PSD3: variants seen among roughly 807,000 people sequenced by gnomAD.
PSD3 encodes PH and SEC7 domain-containing protein 3.
PSD3 carries 49 observed loss-of-function variants against 105.5 expected under a neutral mutation model. That is an observed-to-expected ratio of 0.46 (90% CI 0.37 to 0.59). PSD3 has a LOEUF of 0.59. Ranked by LOEUF, PSD3 falls within the 20% of genes least tolerant of loss-of-function variation. The pLI is 0.00. For missense variants in PSD3, 1,561 were observed against 1,263.8 expected (o/e 1.24, Z -3.57); for synonymous variants, 557 against 457.8 (o/e 1.22, Z -2.77).
At chr8:19,019,905 G>A (rs1827308501) in intron 1 of PSD3, among the ~76,000 whole-genome samples, 1 of 152,120 alleles carries the variant, frequency 6.6e-6, no homozygotes, top group African/African-American at 2.4e-5. Flanking sequence ...GAGAAAAGAG[G>A]AAAACTGAGG....
In PSD3 at chr8:18,534,869, A is replaced by T. The variant is rs754928276; in HGVS notation, c.*874T>A. 3 of 152,610 alleles carry T rather than the reference A, an allele frequency of 2.0e-5. No homozygotes were observed. Among genetic ancestry groups the T allele is most frequent in the Non-Finnish European group, 4.4e-5 (3 of 68,056 alleles). The allele number at this position is 152,610 out of a possible 1,614,324, so 9.5% of individuals were successfully genotyped here. ...GAAAAATCTATTCCTGGATGGAAGG[A>T]TATCAACGATAGAGATGATGGATTT... On this transcript the variant is annotated 3_prime_UTR_variant, in exon 16 of 16. Coordinates refer to ENST00000327040, the MANE Select transcript of PSD3 (RefSeq NM_015310.4).
rs553036543 is a variant in PSD3 at position 18,883,375 on chromosome 8, G to A, written c.131-10642C>T. On this transcript the variant is annotated intron_variant, in intron 2 of 15. Transcript: ENST00000327040. ...GAAACACTTGATCATTCTGGTCTGG[G>A]TTTACCCTCAAATTACCAAGTAACC... Among the ~76,000 whole-genome samples the A allele has an allele frequency of 5.3e-5, 8 of 152,202 alleles. No individual in the cohort carries two copies. In the South Asian group the frequency reaches 1.7e-3, roughly 32 times the overall value.
rs1029309520 is a variant in PSD3 at position 18,530,387 on chromosome 8, A to C, written c.*5356T>G. The C allele has an allele frequency of 6.6e-6, 1 of 152,412 alleles. No individual in the cohort carries two copies. The highest frequency in any genetic ancestry group is 1.5e-5 in the Non-Finnish European group (1 of 68,038). The allele number at this position is 152,412 out of a possible 1,614,324, so 9.4% of individuals were successfully genotyped here. A position where few individuals can be genotyped will look rare whatever the true frequency, so the allele number is the denominator to read the frequency against. Reference sequence around the variant, plus strand: ...TAATTTCTGCAACTGCAAACCTAGGATACAGTACCCAATCCTGGGATGCCC... The same window carrying C: ...TAATTTCTGCAACTGCAAACCTAGGCTACAGTACCCAATCCTGGGATGCCC... On this transcript the variant is annotated 3_prime_UTR_variant, in exon 16 of 16. Transcript: ENST00000327040.
chr8:18,869,179 A>T lies in PSD3; in HGVS notation c.1239-1110T>A, dbSNP rs1017213112. ...TACCTCTCCACACTCACTGCACCCC[A>T]CTCTCCCCTGCTTTTTTTTTTTTTT... On this transcript the variant is annotated intron_variant, in intron 3 of 15. Transcript: ENST00000327040. Among the ~76,000 whole-genome samples, 291 of 116,668 alleles carry T rather than the reference A, an allele frequency of 2.5e-3. 2 individuals carry two copies. The highest frequency in any genetic ancestry group is 9.0e-3 in the African/African-American group (269 of 29,926). 76.5% of individuals were successfully genotyped at this position (116,668 alleles called of 152,430 possible). A position where few individuals can be genotyped will look rare whatever the true frequency, so the allele number is the denominator to read the frequency against.
At chr8:18,983,277 T>G (rs1488405811) in intron 1 of PSD3, among the ~76,000 whole-genome samples, 1 of 152,218 alleles carries the variant, frequency 6.6e-6, no homozygotes, top group African/African-American at 2.4e-5. Context: ...GTTGTAGTGA[T>G]TTGATCTTCC....
At chr8:18,786,553 G>A (rs1362786701) in intron 8 of PSD3, among the ~76,000 whole-genome samples, 1 of 152,142 alleles carries the variant, frequency 6.6e-6, no homozygotes, top group African/African-American at 2.4e-5. Context: ...TTTGACTCAC[G>A]TGGACTTTGA....
At chr8:18,993,859 T>TATCC (rs1825930039) in intron 1 of PSD3, among the ~76,000 whole-genome samples, 1 of 151,442 alleles carries the variant, frequency 6.6e-6, no homozygotes, top group Admixed American at 6.6e-5. Flanking sequence ...AATTTGATTA[T>TATCC]ATCAAACAAT....
At chr8:18,599,911 A>T (rs1427112100) in intron 12 of PSD3, among the ~76,000 whole-genome samples, 1 of 152,198 alleles carries the variant, frequency 6.6e-6, no homozygotes, top group Admixed American at 6.5e-5. Flanking sequence ...TAAATTAGTC[A>T]CAGTAAGAGA....
intron 2 of PSD3, among the ~76,000 whole-genome samples, chr8:18,933,712 TC>T (rs1172413009): frequency 6.6e-6 from 1 of 152,146 alleles, no homozygotes; most frequent in African/African-American, 2.4e-5. Context: ...TGGTGATCCA[TC>T]CGCCTCTGCC....
chr8:18,868,778 G>A (rs926672176), intron 3 of PSD3, among the ~76,000 whole-genome samples: 10 of 152,128 alleles, frequency 6.6e-5, no homozygotes, highest in African/African-American at 1.9e-4. Context: ...TATTAAAAAC[G>A]AACATTAGGA....
chr8:19,081,448 A>G (rs1371376468), intron 1 of PSD3, among the ~76,000 whole-genome samples: 1 of 152,204 alleles, frequency 6.6e-6, no homozygotes, highest in Non-Finnish European at 1.5e-5. Flanking sequence ...GGGGTAGACA[A>G]CTTGAGGGCT....
exon 1 of PSD3, chr8:19,084,651 G>A (rs899343467): frequency 1.2e-5 from 4 of 341,346 alleles, no homozygotes; most frequent in South Asian, 4.4e-5. Context: ...GCTTACGTCC[G>A]GATCCTGGGA....
intron 9 of PSD3, among the ~76,000 whole-genome samples, chr8:18,662,886 T>C (rs1486855518): frequency 2.0e-5 from 3 of 152,100 alleles, no homozygotes; most frequent in Non-Finnish European, 2.9e-5. Context: ...AAATTGCAAA[T>C]GAACGAACAA....
chr8:18,840,394 C>T (rs1814520670), intron 4 of PSD3, among the ~76,000 whole-genome samples: 2 of 152,134 alleles, frequency 1.3e-5, no homozygotes, highest in African/African-American at 4.8e-5. Context: ...TTAAATGAAC[C>T]CTAGTTGGTC....
intron 1 of PSD3, among the ~76,000 whole-genome samples, chr8:18,949,782 G>C (rs1362936180): frequency 6.6e-6 from 1 of 152,128 alleles, no homozygotes; most frequent in African/African-American, 2.4e-5. Flanking sequence ...GCACCAAAGA[G>C]AGCATAAGGT....
chr8:18,859,249 A>G (rs763797959), intron 4 of PSD3, among the ~76,000 whole-genome samples: 88 of 145,932 alleles, frequency 6.0e-4, no homozygotes, highest in Non-Finnish European at 1.2e-3. Flanking sequence ...TTTGCCTCTA[A>G]GCAGTAGGTC....
At position 18,872,447 on chromosome 8, in the gene PSD3, T is replaced by C. The variant is rs761317440; in HGVS notation, c.417A>G (p.Lys139=). ...QPIDSLISAL[K]ATEARIISGT... is the part of the protein sequence containing the mutation. ...CGGAAATGATTCTGGCTTCTGTGGC[T>C]TTCAGAGCTGAAATCAAAGAGTCAA... Residue 139 remains lysine, a synonymous_variant, in exon 3 of 16, where the codon AAA becomes AAG. Transcript: ENST00000327040. The C allele has an allele frequency of 1.9e-6, 3 of 1,614,210 alleles. No individual in the cohort carries two copies. In the Admixed American group the frequency reaches 5.0e-5, roughly 27 times the overall value.
At chr8:18,640,181 A>T (rs1222887755) in intron 10 of PSD3, among the ~76,000 whole-genome samples, 1 of 152,188 alleles carries the variant, frequency 6.6e-6, no homozygotes, top group Non-Finnish European at 1.5e-5. Context: ...CCACAACAAA[A>T]GATCAGGATA....
chr8:18,808,378 A>G (rs1811389973), intron 4 of PSD3, among the ~76,000 whole-genome samples: 1 of 152,200 alleles, frequency 6.6e-6, no homozygotes, highest in African/African-American at 2.4e-5. Context: ...GTACTGGCCC[A>G]ATTTTGTTCA....
Sources: allele counts gnomAD v4.1 joint callset (sites outside exome capture counted in the v4.1 genomes callset), GRCh38; gene constraint gnomAD v4.1.1; transcripts MANE v1.5; gene names NCBI Gene and HGNC (gene_info 2026-07-23, HGNC 2026-07-21).